The following TG variants were observed in gnomAD, a reference collection of about 807,000 sequenced individuals.
TG encodes thyroglobulin.
TG carries 270 observed loss-of-function variants against 324.7 expected under a neutral mutation model. The observed-to-expected ratio is 0.83, with a 90% CI of 0.75 to 0.92. The LOEUF is 0.92. Ranked by LOEUF, TG falls within the 40% of genes least tolerant of loss-of-function variation. TG has a pLI of 0.00. For synonymous variants in TG, 1,401 were observed against 1,327.0 expected (o/e 1.06, Z -1.21); for missense variants, 3,591 against 3,456.4 (o/e 1.04, Z -0.98).
intron 23 of TG, among the ~76,000 whole-genome samples, chr8:132,930,880 A>T (rs1346591961): frequency 3.3e-5 from 5 of 152,190 alleles, no homozygotes; most frequent in Non-Finnish European, 7.3e-5. Context: ...AGAGAGCCAC[A>T]TCAAGGAGGT....
intron 26 of TG, among the ~76,000 whole-genome samples, chr8:132,942,706 G>A (rs770473110): frequency 1.3e-5 from 2 of 152,194 alleles, no homozygotes; most frequent in Admixed American, 6.5e-5. Context: ...TCAGGCTTGA[G>A]AACTAGGCAG....
chr8:132,931,973 A>C (rs1201198954), intron 23 of TG, among the ~76,000 whole-genome samples: 2 of 152,190 alleles, frequency 1.3e-5, no homozygotes, highest in Non-Finnish European at 2.9e-5. Flanking sequence ...GCGTACCTGT[A>C]ATCCCAGCTA....
chr8:133,093,779 T>C (rs1426318714), intron 41 of TG, among the ~76,000 whole-genome samples: 3 of 152,182 alleles, frequency 2.0e-5, no homozygotes, highest in Admixed American at 1.3e-4. Flanking sequence ...GAAAGGCCAC[T>C]TCACAGTGGC....
At chr8:133,056,947 G>A (rs2739136) in intron 41 of TG, among the ~76,000 whole-genome samples, 114,096 of 152,048 alleles carry the variant, frequency 0.75, 43,771 homozygotes, top group African/African-American at 0.89. Flanking sequence ...TCTGATTCGT[G>A]GGCCTGGGGT....
At chr8:133,002,995 G>T in intron 35 of TG, 1 of 1,021,536 alleles carries the variant, frequency 9.8e-7, no homozygotes. Flanking sequence ...CATGTACCTG[G>T]CCAAACGAAC....
chr8:132,982,448 C>T (rs1209317812), intron 34 of TG, among the ~76,000 whole-genome samples: 1 of 152,156 alleles, frequency 6.6e-6, no homozygotes, highest in Admixed American at 6.5e-5. Context: ...ATTTATGTGT[C>T]ACATACTGGG....
intron 6 of TG, 121 bp downstream of exon 6, chr8:132,882,090 G>A (rs1814723072): frequency 1.4e-6 from 1 of 739,268 alleles, no homozygotes; most frequent in East Asian, 2.7e-5. Context: ...CCAGGCTGCT[G>A]TGGGCATTGA....
At chr8:132,979,010 A>G (rs564560974) in intron 34 of TG, among the ~76,000 whole-genome samples, 1 of 152,210 alleles carries the variant, frequency 6.6e-6, no homozygotes, top group Non-Finnish European at 1.5e-5. Flanking sequence ...GCATCTTAGC[A>G]TAGAATTGCA....
chr8:133,053,769 G>T (rs543962819), intron 41 of TG, among the ~76,000 whole-genome samples: 23 of 152,318 alleles, frequency 1.5e-4, no homozygotes, highest in Non-Finnish European at 2.8e-4. Flanking sequence ...GAGGGAAAGG[G>T]AGGCTTAGAG....
At chr8:133,097,156 A>G (rs900975995) in intron 43 of TG, among the ~76,000 whole-genome samples, 1 of 152,186 alleles carries the variant, frequency 6.6e-6, no homozygotes, top group Non-Finnish European at 1.5e-5. Context: ...CATGCATGAC[A>G]TGGGTCTCTG....
At chr8:132,919,232 C>A in intron 20 of TG, 144 bp from the exon 21 acceptor site, 2 of 880,030 alleles carry the variant, frequency 2.3e-6, no homozygotes, top group Non-Finnish European at 3.6e-6. Flanking sequence ...TAGAGTCTGA[C>A]ACACAGTAGG....
intron 26 of TG, among the ~76,000 whole-genome samples, chr8:132,945,785 G>A (rs550415240): frequency 1.3e-5 from 2 of 152,280 alleles, no homozygotes; most frequent in African/African-American, 4.8e-5. Flanking sequence ...GAAAGCTAGG[G>A]TGGGAGAGCG....
At chr8:133,000,276 G>A (rs949989480) in intron 35 of TG, among the ~76,000 whole-genome samples, 1 of 152,172 alleles carries the variant, frequency 6.6e-6, no homozygotes, top group African/African-American at 2.4e-5. Flanking sequence ...GATGACAACT[G>A]CATGACTCAT....
chr8:132,979,254 G>A (rs1484086123), intron 34 of TG, among the ~76,000 whole-genome samples: 1 of 152,202 alleles, frequency 6.6e-6, no homozygotes, highest in African/African-American at 2.4e-5. Flanking sequence ...GTTCTTTGAA[G>A]AGAACTAGGG....
intron 41 of TG, among the ~76,000 whole-genome samples, chr8:133,036,468 A>G (rs1317143733): frequency 1.3e-5 from 2 of 152,204 alleles, no homozygotes; most frequent in African/African-American, 4.8e-5. Flanking sequence ...GGACGTTTTT[A>G]TAACAATCGT....
At chr8:132,970,321 A>G (rs943449802) in intron 32 of TG, among the ~76,000 whole-genome samples, 2 of 152,076 alleles carry the variant, frequency 1.3e-5, no homozygotes, top group Non-Finnish European at 2.9e-5. Flanking sequence ...TACCCATTAG[A>G]ATCACCCGGA....
chr8:132,909,648 T>C (rs2687833), intron 18 of TG, among the ~76,000 whole-genome samples: 62,420 of 152,072 alleles, frequency 0.41, 15,598 homozygotes, highest in Admixed American at 0.54. Context: ...GGATCTGGCT[T>C]CAAACCTTGG....
intron 35 of TG, among the ~76,000 whole-genome samples, chr8:133,010,247 T>C (rs1278384588): frequency 6.6e-6 from 1 of 152,192 alleles, no homozygotes; most frequent in Admixed American, 6.5e-5. Flanking sequence ...TGACTCCTCC[T>C]CTGTGAAAGA....
intron 14 of TG, 152 bp downstream of exon 14, chr8:132,899,062 G>A: frequency 2.7e-6 from 2 of 729,778 alleles, no homozygotes. Flanking sequence ...ACCTGGTTCT[G>A]TGACCTTGGG....
Sources: allele counts gnomAD v4.1 joint callset (sites outside exome capture counted in the v4.1 genomes callset), GRCh38; gene constraint gnomAD v4.1.1; transcripts MANE v1.5; gene names NCBI Gene and HGNC (gene_info 2026-07-23, HGNC 2026-07-21).